Variants in AGBL1 observed in about 807,000 individuals in gnomAD.
The protein encoded by AGBL1 is AGBL carboxypeptidase 1.
In AGBL1, 130 loss-of-function variants were observed where a neutral mutation model predicts 118.9. The observed-to-expected ratio is 1.09, with a 90% CI of 0.95 to 1.26. AGBL1 has a LOEUF of 1.26. AGBL1 is among the 50% of genes most tolerant of loss of function. The pLI is 0.00. For synonymous variants in AGBL1, 555 were observed against 478.9 expected, an observed-to-expected ratio of 1.16 and a Z score of -2.08; for missense variants, 1,584 against 1,298.1, an observed-to-expected ratio of 1.22 and a Z score of -3.38.
At chr15:86,128,798 C>T (rs2076782039) in intron 1 of AGBL1, among the ~76,000 whole-genome samples, 1 of 152,124 alleles carries the variant, frequency 6.6e-6, no homozygotes, top group African/African-American at 2.4e-5. Flanking sequence ...GGGTATATGA[C>T]AATTATAGCT....
intron 1 of AGBL1, chr15:86,088,284 A>G (rs1158540221): frequency 6.6e-6 from 1 of 152,226 alleles, no homozygotes; most frequent in Non-Finnish European, 1.5e-5. Flanking sequence ...GCTGCGGCAA[A>G]CTGCCAAGTA....
chr15:86,279,202 G>A (rs933630029), intron 15 of AGBL1, among the ~76,000 whole-genome samples: 4 of 152,260 alleles, frequency 2.6e-5, no homozygotes, highest in African/African-American at 9.6e-5. Flanking sequence ...GGCAGGTGGA[G>A]CGGAAAGGAA....
chr15:86,180,446 A>G (rs1310899526), intron 5 of AGBL1, among the ~76,000 whole-genome samples: 2 of 152,122 alleles, frequency 1.3e-5, no homozygotes, highest in African/African-American at 2.4e-5. Flanking sequence ...TGTTCAATAA[A>G]TGGTGCTGGA....
chr15:86,704,833 G>C (rs1005396735), intron 22 of AGBL1, among the ~76,000 whole-genome samples: 4 of 152,158 alleles, frequency 2.6e-5, no homozygotes, highest in African/African-American at 9.7e-5. Context: ...ACATGTACAC[G>C]TATGTTTATT....
chr15:86,887,684 C>T (rs1048047987), intron 22 of AGBL1, among the ~76,000 whole-genome samples: 1 of 152,026 alleles, frequency 6.6e-6, no homozygotes, highest in African/African-American at 2.4e-5. Context: ...CTTTTAATTC[C>T]CTGACATTGT....
intron 21 of AGBL1, among the ~76,000 whole-genome samples, chr15:86,573,631 C>T (rs968139988): frequency 1.3e-5 from 2 of 152,156 alleles, no homozygotes; most frequent in African/African-American, 4.8e-5. Flanking sequence ...GAACTGCATG[C>T]TAGGGTATGC....
At chr15:86,725,402 G>A (rs1455186603) in intron 22 of AGBL1, among the ~76,000 whole-genome samples, 1 of 152,098 alleles carries the variant, frequency 6.6e-6, no homozygotes. Flanking sequence ...GGAAAGGGAT[G>A]GTTTAAAGGT....
At chr15:86,482,066 C>T (rs1596171943) in intron 18 of AGBL1, among the ~76,000 whole-genome samples, 1 of 152,156 alleles carries the variant, frequency 6.6e-6, no homozygotes, top group Non-Finnish European at 1.5e-5. Context: ...AGCTTAGGAA[C>T]TCCTCTGCAA....
chr15:86,535,358 C>T (rs1032500126), intron 19 of AGBL1, among the ~76,000 whole-genome samples: 2 of 152,196 alleles, frequency 1.3e-5, no homozygotes, highest in African/African-American at 2.4e-5. Flanking sequence ...TGAGGACAGT[C>T]GGGGACATCC....
At chr15:86,364,149 G>A (rs894198090) in intron 17 of AGBL1, among the ~76,000 whole-genome samples, 9 of 152,024 alleles carry the variant, frequency 5.9e-5, no homozygotes, top group Non-Finnish European at 4.4e-5. Context: ...TTCTTCAGAC[G>A]CCATCACTTA....
At chr15:86,732,094 C>G (rs1229656093) in intron 22 of AGBL1, among the ~76,000 whole-genome samples, 3 of 152,130 alleles carry the variant, frequency 2.0e-5, no homozygotes, top group African/African-American at 7.2e-5. Context: ...TGAGGCACAG[C>G]AAGATTAATT....
At chr15:86,329,483 C>A (rs528373171) in intron 17 of AGBL1, among the ~76,000 whole-genome samples, 1 of 152,064 alleles carries the variant, frequency 6.6e-6, no homozygotes, top group Non-Finnish European at 1.5e-5. Context: ...TTGGAGCACC[C>A]GCTCACCTGA....
At chr15:86,752,100 C>T (rs1441328721) in intron 22 of AGBL1, among the ~76,000 whole-genome samples, 1 of 152,044 alleles carries the variant, frequency 6.6e-6, no homozygotes, top group Non-Finnish European at 1.5e-5. Context: ...CCCAATGGCC[C>T]ATCTTAGCAG....
intron 24 of AGBL1, among the ~76,000 whole-genome samples, chr15:87,022,482 A>T (rs2141805471): frequency 6.6e-6 from 1 of 152,230 alleles, no homozygotes; most frequent in Middle Eastern, 3.4e-3. Flanking sequence ...CTTAAGAATA[A>T]TTGGTGCTCC....
intron 13 of AGBL1, among the ~76,000 whole-genome samples, chr15:86,268,581 C>G (rs2079108728): frequency 6.6e-6 from 1 of 152,150 alleles, no homozygotes; most frequent in Admixed American, 6.5e-5. Flanking sequence ...AGTCAAATAG[C>G]AGAAACAAAC....
chr15:86,992,385 A>C (rs1257014052), intron 24 of AGBL1, among the ~76,000 whole-genome samples: 3 of 152,190 alleles, frequency 2.0e-5, no homozygotes, highest in Non-Finnish European at 4.4e-5. Context: ...GCAAATATTT[A>C]GTTAATGCAA....
chr15:86,422,250 T>C (rs1446444070), intron 18 of AGBL1, among the ~76,000 whole-genome samples: 1 of 152,206 alleles, frequency 6.6e-6, no homozygotes, highest in African/African-American at 2.4e-5. Flanking sequence ...AAACAGTCTC[T>C]CAGACCAAAG....
chr15:86,493,607 C>G (rs552744786), intron 18 of AGBL1, among the ~76,000 whole-genome samples: 91 of 152,046 alleles, frequency 6.0e-4, no homozygotes, highest in African/African-American at 2.0e-3. Flanking sequence ...TGAGTCTTCC[C>G]CAACATTTTC....
intron 23 of AGBL1, among the ~76,000 whole-genome samples, chr15:86,921,580 T>C (rs1395323745): frequency 6.6e-6 from 1 of 152,158 alleles, no homozygotes; most frequent in Non-Finnish European, 1.5e-5. Flanking sequence ...AGAAACTCAA[T>C]ATTTTCTTTT....
Sources: allele counts gnomAD v4.1 joint callset (sites outside exome capture counted in the v4.1 genomes callset), GRCh38; gene constraint gnomAD v4.1.1; transcripts MANE v1.5; gene names NCBI Gene and HGNC (gene_info 2026-07-23, HGNC 2026-07-21).